The following RARS2 variants were observed in gnomAD, a reference collection of about 807,000 sequenced individuals.
The protein encoded by RARS2 is probable arginine--tRNA ligase, mitochondrial.
A neutral mutation model predicts 88.5 loss-of-function variants in RARS2; 67 were observed. The observed-to-expected ratio is 0.76, with a 90% CI of 0.62 to 0.93. The LOEUF is 0.93. Among genes scored for constraint, RARS2 ranks in the 40% least tolerant of loss-of-function variants. The pLI is 0.00. For synonymous variants in RARS2, 239 were observed against 230.3 expected, an observed-to-expected ratio of 1.04 and a Z score of -0.34; for missense variants, 664 against 684.2, an observed-to-expected ratio of 0.97 and a Z score of 0.33.
intron 1 of RARS2, among the ~76,000 whole-genome samples, chr6:87,577,993 G>A (rs1178960229): frequency 6.6e-6 from 1 of 151,898 alleles, no homozygotes; most frequent in Admixed American, 6.6e-5. Context: ...ATTTAAAACA[G>A]CATTTCAGGC....
intron 8 of RARS2, among the ~76,000 whole-genome samples, chr6:87,535,516 C>T (rs958995174): frequency 6.6e-6 from 1 of 152,084 alleles, no homozygotes; most frequent in African/African-American, 2.4e-5. Context: ...TAGTGATACA[C>T]TAACCCCTCA....
chr6:87,547,016 T>A (rs184293709), intron 6 of RARS2, among the ~76,000 whole-genome samples: 8 of 152,348 alleles, frequency 5.3e-5, no homozygotes, highest in Admixed American at 5.2e-4. Context: ...TACAATACTT[T>A]GGGATGTTGG....
intron 1 of RARS2, among the ~76,000 whole-genome samples, chr6:87,570,018 A>G (rs35396056): frequency 0.074 from 11,209 of 152,160 alleles, 601 homozygotes; most frequent in African/African-American, 0.15. Flanking sequence ...TCCAGGTATT[A>G]GGGATACAGC....
chr6:87,554,552 G>A (rs1785223931), intron 5 of RARS2, among the ~76,000 whole-genome samples: 1 of 152,042 alleles, frequency 6.6e-6, no homozygotes, highest in Non-Finnish European at 1.5e-5. Context: ...GAATTCCTAG[G>A]CTCAAGCCAT....
intron 1 of RARS2, among the ~76,000 whole-genome samples, chr6:87,589,003 A>C (rs142676719): frequency 3.3e-5 from 5 of 152,344 alleles, no homozygotes; most frequent in South Asian, 2.1e-4. Flanking sequence ...AGGGCAGTAC[A>C]TCTATAAACA....
intron 2 of RARS2, among the ~76,000 whole-genome samples, chr6:87,567,022 T>C (rs1768123850): frequency 6.6e-6 from 1 of 151,924 alleles, no homozygotes; most frequent in African/African-American, 2.4e-5. Flanking sequence ...GCAATCCTTC[T>C]ACCTTGGCCT....
At chr6:87,551,833 A>G (rs146204343) in intron 5 of RARS2, among the ~76,000 whole-genome samples, 137 of 152,142 alleles carry the variant, frequency 9.0e-4, no homozygotes, top group Middle Eastern at 3.4e-3. Flanking sequence ...GGAGTTGGGG[A>G]AAATCATGTT....
At position 87,514,299 on chromosome 6, in the gene RARS2, G is replaced by A. The variant is rs1474241381; in HGVS notation, c.*114C>T. 1.9e-5 allele frequency: 12 copies of A among 641,646 alleles called. No individual in the cohort carries two copies. The highest frequency in any genetic ancestry group is 7.0e-5 in the South Asian group (4 of 57,318). 39.7% of individuals were successfully genotyped at this position (641,646 alleles called of 1,614,324 possible). A position where few individuals can be genotyped will look rare whatever the true frequency, so the allele number is the denominator to read the frequency against. On this transcript the variant is annotated 3_prime_UTR_variant, in exon 20 of 20. Coordinates refer to ENST00000369536, the MANE Select transcript of RARS2 (RefSeq NM_020320.5). Reference sequence around the variant, plus strand: ...GCACTCCAGCCTGGGCAACAAGAGCGAAACTCCATCTCAAAAAAAAAAAAA... The same window carrying A: ...GCACTCCAGCCTGGGCAACAAGAGCAAAACTCCATCTCAAAAAAAAAAAAA...
At chr6:87,582,482 T>C (rs1773908470) in intron 1 of RARS2, among the ~76,000 whole-genome samples, 1 of 152,254 alleles carries the variant, frequency 6.6e-6, no homozygotes, top group South Asian at 2.1e-4. Flanking sequence ...TTCTGGATAT[T>C]AGACCTTTGT....
At chr6:87,584,642 GTC>G in intron 1 of RARS2, 1 of 446,828 alleles carries the variant, frequency 2.2e-6, no homozygotes, top group Non-Finnish European at 4.5e-6. Context: ...TGGTAAGCAG[GTC>G]TATACAAATC....
chr6:87,532,069 T>C (rs1777692761), intron 8 of RARS2, among the ~76,000 whole-genome samples: 1 of 152,188 alleles, frequency 6.6e-6, no homozygotes, highest in South Asian at 2.1e-4. Context: ...CATTGGCTTA[T>C]ACCCACTAGA....
chr6:87,557,968 G>A (rs1290094516), intron 4 of RARS2, among the ~76,000 whole-genome samples: 1 of 152,140 alleles, frequency 6.6e-6, no homozygotes, highest in African/African-American at 2.4e-5. Context: ...CTGAGGACAG[G>A]AGTTCAAGAC....
chr6:87,555,065 C>A (rs1379009712), intron 5 of RARS2, among the ~76,000 whole-genome samples: 1 of 150,900 alleles, frequency 6.6e-6, no homozygotes, highest in Non-Finnish European at 1.5e-5. Flanking sequence ...GATCTCGCCA[C>A]TCCAGCCTGG....
At chr6:87,544,926 T>C (rs1354403349) in intron 7 of RARS2, among the ~76,000 whole-genome samples, 1 of 152,194 alleles carries the variant, frequency 6.6e-6, no homozygotes, top group Non-Finnish European at 1.5e-5. Context: ...CTACTTCATG[T>C]AGAATGGCCC....
intron 3 of RARS2, among the ~76,000 whole-genome samples, chr6:87,563,503 T>C (rs886627529): frequency 6.6e-6 from 1 of 152,260 alleles, no homozygotes; most frequent in Non-Finnish European, 1.5e-5. Context: ...ATAGTGACTT[T>C]CATTGTTCCA....
At chr6:87,576,605 T>C (rs1193174340) in intron 1 of RARS2, among the ~76,000 whole-genome samples, 7 of 152,018 alleles carry the variant, frequency 4.6e-5, no homozygotes, top group South Asian at 2.1e-4. Flanking sequence ...ACATTACCTA[T>C]TGTGTAAGGT....
chr6:87,540,576 A>G (rs1780619645), intron 8 of RARS2, among the ~76,000 whole-genome samples: 1 of 152,070 alleles, frequency 6.6e-6, no homozygotes, highest in African/African-American at 2.4e-5. Context: ...TGGAGAAGTA[A>G]AGCATTATTT....
chr6:87,578,299 A>G (rs1043304158), intron 1 of RARS2, among the ~76,000 whole-genome samples: 14 of 152,232 alleles, frequency 9.2e-5, no homozygotes, highest in Admixed American at 4.6e-4. Context: ...TGTAAAAAGC[A>G]TATTTATCCA....
intron 10 of RARS2, among the ~76,000 whole-genome samples, chr6:87,528,519 T>TA (rs1228604702): frequency 6.6e-6 from 1 of 152,158 alleles, no homozygotes; most frequent in Non-Finnish European, 1.5e-5. Context: ...CCTTAATAGA[T>TA]GAGTAGACTT....
Sources: gnomAD v4.1 joint callset for allele counts (sites outside exome capture counted in the v4.1 genomes callset) on GRCh38, gnomAD v4.1.1 for gene constraint, MANE v1.5 for transcripts, NCBI Gene and HGNC (gene_info 2026-07-23, HGNC 2026-07-21) for gene names.